The following ALG1L2 variants were observed in gnomAD, a reference collection of about 807,000 sequenced individuals.
The protein encoded by ALG1L2 is ALG1 chitobiosyldiphosphodolichol beta-mannosyltransferase like 2.
In ALG1L2, 32 loss-of-function variants were observed where a neutral mutation model predicts 29.0. That is an observed-to-expected ratio of 1.10 (90% confidence interval 0.83 to 1.48). The LOEUF (loss-of-function observed/expected upper bound fraction) is 1.48, where lower values mean the gene tolerates loss of function less well. Among genes scored for constraint, ALG1L2 ranks in the 40% most tolerant of loss-of-function variants. The pLI, the probability that ALG1L2 is intolerant of heterozygous loss-of-function variation, is 0.00. For missense variants in ALG1L2, 318 were observed against 274.1 expected, an observed-to-expected ratio of 1.16 and a Z score of -1.13; for synonymous variants, 110 against 109.5, an observed-to-expected ratio of 1.00 and a Z score of -0.03.
At chr3:130,090,515 A>G (rs1476074531) in intron 1 of ALG1L2, among the ~76,000 whole-genome samples, 31 of 152,422 alleles carry the variant, frequency 2.0e-4, no homozygotes, top group Non-Finnish European at 8.8e-5. Context: ...ACTAAAATGC[A>G]GATATTGTGA....
intron 7 of ALG1L2, 97 bp from the exon 8 acceptor site, chr3:130,098,126 T>C (rs1935184863): frequency 6.5e-7 from 1 of 1,526,926 alleles, no homozygotes; most frequent in Admixed American, 1.9e-5. Context: ...AGCTAGGGAC[T>C]TGGGAGGGGT....
chr3:130,096,584 G>A (rs548695287), intron 6 of ALG1L2, among the ~76,000 whole-genome samples: 2 of 151,628 alleles, frequency 1.3e-5, no homozygotes, highest in Non-Finnish European at 2.9e-5. Flanking sequence ...CCAAGCTCAC[G>A]TGGTGGGTTT....
intron 7 of ALG1L2, 112 bp downstream of exon 7, chr3:130,097,362 C>A (rs1459636504): frequency 4.1e-6 from 6 of 1,476,590 alleles, no homozygotes; most frequent in Non-Finnish European, 5.4e-6. Context: ...CGGGGTCTGG[C>A]GGAAAAGCTA....
chr3:130,096,295 A>G, intron 6 of ALG1L2, 132 bp downstream of exon 6: 1 of 1,020,356 alleles, frequency 9.8e-7, no homozygotes, highest in Admixed American at 2.2e-5. Context: ...GGAGGCCACG[A>G]GGAGGAGCCC....
chr3:130,098,222 G>A lies in ALG1L2; in HGVS notation c.616-1G>A. The A allele has an allele frequency of 1.3e-6, 2 of 1,596,470 alleles. No homozygotes were observed. Among genetic ancestry groups the A allele is most frequent in the South Asian group, 2.2e-5 (2 of 90,984 alleles). ...GCAATGAGGTAAGCTCTGCTCTTCA[G>A]TATTTTGCAGATGCTTTTCTCAAAC... On this transcript the variant is annotated splice_acceptor_variant, in intron 7 of 7. Coordinates refer to ENST00000425059, the MANE Select transcript of ALG1L2 (RefSeq NM_001136152.1). LOFTEE classifies it high-confidence loss of function.
At chr3:130,089,033 A>G (rs2718845) in intron 1 of ALG1L2, among the ~76,000 whole-genome samples, 151,397 of 152,406 alleles carry the variant, frequency 0.99, 75,195 homozygotes, top group East Asian at 1. Flanking sequence ...GAGTAGGGCT[A>G]GCCAACTTCT....
rs183262309 is a variant in ALG1L2, at chr3:130,093,690, C to T, written c.313+530C>T. Among the ~76,000 whole-genome samples the T allele has an allele frequency of 2.6e-3, 401 of 152,244 alleles. 2 individuals carry two copies. The highest frequency in any genetic ancestry group is 9.4e-3 in the African/African-American group (390 of 41,540). ...CCACCCGCCTTGGCCTCCCAATATG[C>T]TGAAATTATAGATATGAACCACTGT... is the stretch of plus-strand genomic sequence containing the variant. On this transcript the variant is annotated intron_variant, in intron 4 of 7. Transcript: ENST00000425059.
At position 130,087,412 on chromosome 3, in the gene ALG1L2, CACA is replaced by C. The variant is rs1275993814; in HGVS notation, c.21-3843_21-3841del. Among the ~76,000 whole-genome samples the C allele has an allele frequency of 2.9e-3, 437 of 149,058 alleles. 6 individuals are homozygous for C. Among genetic ancestry groups the C allele is most frequent in the Middle Eastern group, 0.011 (3 of 284 alleles). Reference sequence around the variant, plus strand: ...CCAGGCTAAAAGGTACCTACAGAGACACAACAACTGAAAATAATGCATGATCTG... The same window carrying C: ...CCAGGCTAAAAGGTACCTACAGAGACACAACTGAAAATAATGCATGATCTG... On this transcript the variant is annotated intron_variant, in intron 1 of 7. Coordinates refer to ENST00000425059, the MANE Select transcript of ALG1L2 (RefSeq NM_001136152.1).
chr3:130,087,823 G>C (rs1275486974), intron 1 of ALG1L2, among the ~76,000 whole-genome samples: 1 of 97,404 alleles, frequency 1.0e-5, no homozygotes, highest in Admixed American at 1.1e-4. Flanking sequence ...CAATGCAATA[G>C]GATCATCTCA....
At position 130,097,246 on chromosome 3, in the gene ALG1L2, T is replaced by C. The variant is rs1285953041; in HGVS notation, c.611T>C (p.Leu204Pro). The C allele has an allele frequency of 4.4e-6, 7 of 1,608,006 alleles. No individual in the cohort carries two copies. Among genetic ancestry groups the C allele is most frequent in the African/African-American group, 2.7e-5 (2 of 74,874 alleles). ...FEDSEELAAQ[L>P]QYFADAFLKL... ...GACTCAGAGGAACTGGCAGCTCAGC[T>C]GCAGGTAGCCATGTCTGCCACCACG... Residue 204 changes from leucine (L) to proline (P), a missense_variant, in exon 7 of 8, where the codon CTG (leucine) becomes CCG (proline). Transcript: ENST00000425059.
In ALG1L2 at chr3:130,097,229, G is replaced by A. The variant is rs918618348; in HGVS notation, c.594G>A (p.Glu198=). 2 of 1,610,830 alleles carry A rather than the reference G, an allele frequency of 1.2e-6. No individual in the cohort carries two copies. Among genetic ancestry groups the A allele is most frequent in the Admixed American group, 1.7e-5 (1 of 60,008 alleles). Residue 198 remains glutamate, a synonymous_variant, in exon 7 of 8, where the codon GAG becomes GAA. Coordinates refer to ENST00000425059, the MANE Select transcript of ALG1L2 (RefSeq NM_001136152.1). The part of the protein sequence containing the change: ...EENRLVFEDS[E]ELAAQLQYFA... The stretch of plus-strand genomic sequence containing the variant: ...ACCGCCTGGTCTTTGAGGACTCAGA[G>A]GAACTGGCAGCTCAGCTGCAGGTAG...
chr3:130,085,870 C>T (rs1434424024), intron 1 of ALG1L2, among the ~76,000 whole-genome samples: 5 of 150,644 alleles, frequency 3.3e-5, no homozygotes, highest in Middle Eastern at 3.2e-3. Flanking sequence ...CAATGTTTCT[C>T]CCGCAGCACT....
chr3:130,094,028 C>T (rs1169041014), intron 4 of ALG1L2: 1 of 282,662 alleles, frequency 3.5e-6, no homozygotes, highest in Non-Finnish European at 6.9e-6. Flanking sequence ...GGCTTGGAAC[C>T]TGCGCCCTGT....
Position 130,094,388 on chromosome 3 carries a change from C to T in ALG1L2, c.314-15C>T. 6.3e-7 allele frequency: 1 copy of T among 1,591,644 alleles called. No individual in the cohort carries two copies. The highest frequency in any genetic ancestry group is 2.2e-5 in the East Asian group (1 of 44,850). ...AGAGACGGGTTCATGGCAGTGTCTG[C>T]TCTTCTCTGTGAAGGCAAAGGGCCT... On this transcript the variant is annotated splice_polypyrimidine_tract_variant and intron_variant, in intron 4 of 7. Transcript: ENST00000425059.
intron 1 of ALG1L2, among the ~76,000 whole-genome samples, chr3:130,082,411 T>C (rs796749452): frequency 0.19 from 11,693 of 60,634 alleles, 201 homozygotes; most frequent in Middle Eastern, 0.37. Flanking sequence ...CATCTCGGCT[T>C]ACTGCGACCT....
chr3:130,092,604 G>C lies in ALG1L2; in HGVS notation c.253+382G>C, dbSNP rs572623612. Among the ~76,000 whole-genome samples the C allele has an allele frequency of 6.6e-5, 10 of 152,268 alleles. No homozygotes were observed. In the East Asian group the frequency reaches 1.9e-3, roughly 29 times the overall value. ...GTGGGCCGCCCTGAATCCCCAGTTG[G>C]GTCATTGAGTGACCAGGCCCTCAGG... On this transcript the variant is annotated intron_variant, in intron 3 of 7. Transcript: ENST00000425059.
At chr3:130,092,377 A>T (rs926675414) in intron 3 of ALG1L2, among the ~76,000 whole-genome samples, 155 bp downstream of exon 3, 2 of 152,008 alleles carry the variant, frequency 1.3e-5, no homozygotes, top group African/African-American at 2.4e-5. Flanking sequence ...GTCTAGAAAC[A>T]GGCCCCTGAC....
Position 130,092,289 on chromosome 3 carries a change from A to T in ALG1L2, c.253+67A>T, listed in dbSNP as rs368819948. ...CACCTGGCCAACCTGTATTCTCCTC[A>T]CCCCTGCCAGTCCTGCATGCCCCAA... On this transcript the variant is annotated intron_variant, in intron 3 of 7. Coordinates refer to ENST00000425059, the MANE Select transcript of ALG1L2 (RefSeq NM_001136152.1). 2.6e-5 allele frequency: 41 copies of T among 1,581,742 alleles called. 1 individual carries two copies. In the African/African-American group the frequency reaches 4.5e-4, roughly 17 times the overall value.
In ALG1L2 at chr3:130,083,819, T is replaced by C. The variant is rs548109253; in HGVS notation, c.20+1783T>C. ...GGGGGCCCATGTTTTCATCTTGCACTGGGCCTTGCAAATTCTGCAGCTGCT... is the reference window on the plus strand; with the variant it reads ...GGGGGCCCATGTTTTCATCTTGCACCGGGCCTTGCAAATTCTGCAGCTGCT... On this transcript the variant is annotated intron_variant, in intron 1 of 7. Coordinates refer to ENST00000425059, the MANE Select transcript of ALG1L2 (RefSeq NM_001136152.1). Among the ~76,000 whole-genome samples, 18 of 134,036 alleles carry C rather than the reference T, an allele frequency of 1.3e-4. No homozygotes were observed. In the East Asian group the frequency reaches 3.3e-3, roughly 25 times the overall value. 87.9% of individuals were successfully genotyped at this position (134,036 alleles called of 152,430 possible).
Sources: allele counts gnomAD v4.1 joint callset (sites outside exome capture counted in the v4.1 genomes callset), GRCh38; gene constraint gnomAD v4.1.1; transcripts MANE v1.5; gene names NCBI Gene and HGNC (gene_info 2026-07-23, HGNC 2026-07-21).